PPP2R2B: variants seen among roughly 807,000 people sequenced by gnomAD.
The protein encoded by PPP2R2B is protein phosphatase 2 regulatory subunit Bbeta.
PPP2R2B carries 5 observed loss-of-function variants against 46.0 expected under a neutral mutation model. That is an observed-to-expected ratio of 0.11 (90% CI 0.06 to 0.23). The LOEUF (loss-of-function observed/expected upper bound fraction) is 0.23. PPP2R2B is among the 10% of genes least tolerant of loss of function. The pLI is 1.00. For missense variants in PPP2R2B, 367 were observed against 575.0 expected (o/e 0.64, Z 3.70); for synonymous variants, 215 against 206.7 (o/e 1.04, Z -0.34).
chr5:146,977,088 T>TC (rs1231951873), intron 1 of PPP2R2B, among the ~76,000 whole-genome samples: 1 of 152,146 alleles, frequency 6.6e-6, no homozygotes, highest in Non-Finnish European at 1.5e-5. Context: ...GTGCCTTCAT[T>TC]CTTTCATACC....
At chr5:147,004,682 G>A (rs143340123) in intron 1 of PPP2R2B, among the ~76,000 whole-genome samples, 1,069 of 152,234 alleles carry the variant, frequency 7.0e-3, no homozygotes, top group Middle Eastern at 0.014. Flanking sequence ...TTACCCATTT[G>A]TTGTCCCCTG....
At chr5:146,926,262 G>A (rs979559328) in intron 1 of PPP2R2B, among the ~76,000 whole-genome samples, 27 of 151,916 alleles carry the variant, frequency 1.8e-4, no homozygotes, top group African/African-American at 6.0e-4. Context: ...TCCCTTTATG[G>A]TGGTTGTTGC....
chr5:146,638,324 C>T lies in PPP2R2B; in HGVS notation c.717G>A (p.Val239=). The change falls in exon 7 of 10, where the codon GTG becomes GTA. Residue 239 remains valine, a synonymous_variant. Coordinates refer to ENST00000394411, the MANE Select transcript of PPP2R2B (RefSeq NM_181675.4). The part of the protein sequence containing the change: ...EFHPHHCNTF[V]YSSSKGTIRL... Reference sequence around the variant, plus strand: ...GGATTGTCCCTTTGCTGCTGCTGTACACGAAGGTGTTGCAATGATGGGGGT... The same window carrying T: ...GGATTGTCCCTTTGCTGCTGCTGTATACGAAGGTGTTGCAATGATGGGGGT... The T allele has an allele frequency of 6.2e-7, 1 of 1,613,966 alleles. No homozygotes were observed. Among genetic ancestry groups the T allele is most frequent in the South Asian group, 1.1e-5 (1 of 91,040 alleles).
intron 1 of PPP2R2B, among the ~76,000 whole-genome samples, chr5:146,967,974 A>G (rs954156866): frequency 3.3e-5 from 5 of 152,214 alleles, no homozygotes; most frequent in Admixed American, 6.5e-5. Context: ...CTCAGCTTAT[A>G]TAAGCCGCAT....
intron 2 of PPP2R2B, among the ~76,000 whole-genome samples, chr5:146,708,377 A>G (rs1047054394): frequency 6.9e-6 from 1 of 144,744 alleles, no homozygotes; most frequent in African/African-American, 2.7e-5. Flanking sequence ...AAAACACTGT[A>G]TATCTGTATA....
chr5:146,739,546 T>G (rs977806672), intron 2 of PPP2R2B, among the ~76,000 whole-genome samples: 1 of 152,158 alleles, frequency 6.6e-6, no homozygotes, highest in Non-Finnish European at 1.5e-5. Flanking sequence ...GTGCCAGGGC[T>G]GGGCAAAGGA....
upstream of PPP2R2B, among the ~76,000 whole-genome samples, chr5:147,057,267 A>T (rs116121729): frequency 2.9e-3 from 435 of 152,264 alleles, 2 homozygotes; most frequent in African/African-American, 9.4e-3. Context: ...TGCAATAATC[A>T]TATTACCTCC....
intron 1 of PPP2R2B, chr5:147,081,186 GTTC>G: frequency 6.5e-7 from 1 of 1,535,160 alleles, no homozygotes; most frequent in Non-Finnish European, 8.7e-7. Flanking sequence ...GCTCCCAGTT[GTTC>G]TTAAGAGACC....
chr5:146,789,753 G>T (rs891876058), intron 2 of PPP2R2B, among the ~76,000 whole-genome samples: 17 of 152,114 alleles, frequency 1.1e-4, no homozygotes, highest in African/African-American at 3.4e-4. Flanking sequence ...TATTAAATAG[G>T]TGGTCAGGGC....
intron 2 of PPP2R2B, among the ~76,000 whole-genome samples, chr5:146,790,417 A>G (rs911986214): frequency 6.6e-6 from 1 of 152,208 alleles, no homozygotes; most frequent in African/African-American, 2.4e-5. Flanking sequence ...TTCACACTTC[A>G]TTAGCATATG....
chr5:146,657,908 T>C (rs1256004635), intron 5 of PPP2R2B, among the ~76,000 whole-genome samples: 1 of 152,154 alleles, frequency 6.6e-6, no homozygotes, highest in African/African-American at 2.4e-5. Flanking sequence ...TATATCAAGG[T>C]CATGGGGTTT....
At chr5:146,984,594 T>A (rs1057080920) in intron 1 of PPP2R2B, among the ~76,000 whole-genome samples, 3 of 152,218 alleles carry the variant, frequency 2.0e-5, no homozygotes, top group African/African-American at 7.2e-5. Context: ...TCTTTGTGAA[T>A]ATCCAGAAGT....
chr5:146,978,050 T>C (rs1752999162), intron 1 of PPP2R2B, among the ~76,000 whole-genome samples: 1 of 152,220 alleles, frequency 6.6e-6, no homozygotes, highest in Non-Finnish European at 1.5e-5. Context: ...GTTTCCTGAC[T>C]TTTTAATGAT....
intron 2 of PPP2R2B, among the ~76,000 whole-genome samples, chr5:146,796,742 T>C (rs181256759): frequency 1.3e-5 from 2 of 152,312 alleles, no homozygotes; most frequent in East Asian, 3.9e-4. Flanking sequence ...TGTTCCCAGT[T>C]ACCACTGCCA....
At chr5:146,779,386 C>T (rs1184857427) in intron 2 of PPP2R2B, among the ~76,000 whole-genome samples, 1 of 152,100 alleles carries the variant, frequency 6.6e-6, no homozygotes, top group East Asian at 1.9e-4. Context: ...AACCCTGGGC[C>T]TGATGTACAG....
intron 5 of PPP2R2B, among the ~76,000 whole-genome samples, chr5:146,663,094 A>T (rs1247250855): frequency 1.3e-5 from 2 of 152,154 alleles, no homozygotes; most frequent in African/African-American, 4.8e-5. Flanking sequence ...ATTCATTTAC[A>T]CTCATAACAA....
chr5:146,685,767 G>C (rs969650338), intron 5 of PPP2R2B, among the ~76,000 whole-genome samples: 81 of 152,124 alleles, frequency 5.3e-4, no homozygotes, highest in African/African-American at 1.9e-3. Context: ...TGTGCTGACA[G>C]GAGGACAGAA....
intron 6 of PPP2R2B, among the ~76,000 whole-genome samples, chr5:146,643,870 C>T (rs537808479): frequency 4.3e-4 from 66 of 152,318 alleles, no homozygotes; most frequent in Non-Finnish European, 8.4e-4. Context: ...CTAAACTAGG[C>T]GAGCTTCCAT....
chr5:146,944,416 C>G lies in PPP2R2B; in HGVS notation c.79+111249G>C, dbSNP rs147220612. The stretch of plus-strand genomic sequence containing the variant: ...GTTTTCATTATTAGATTATGCAACC[C>G]AAGGAAACGCCAAACGATTTGAAAG... On this transcript the variant is annotated intron_variant, in intron 1 of 8. Transcript: ENST00000336640. Among the ~76,000 whole-genome samples the G allele has an allele frequency of 4.3e-3, 660 of 152,174 alleles. 4 individuals carry two copies. Among genetic ancestry groups the G allele is most frequent in the African/African-American group, 0.015 (616 of 41,534 alleles).
Sources: allele counts gnomAD v4.1 joint callset (sites outside exome capture counted in the v4.1 genomes callset), GRCh38; gene constraint gnomAD v4.1.1; transcripts MANE v1.5; gene names NCBI Gene and HGNC (gene_info 2026-07-23, HGNC 2026-07-21).